The following LIPH variants were observed in gnomAD, a reference collection of about 807,000 sequenced individuals.
LIPH encodes the protein lipase member H.
In LIPH, 32 loss-of-function variants were observed where a neutral mutation model predicts 47.6. The ratio of observed to expected loss-of-function variants is 0.67; its 90% CI spans 0.51 to 0.90. The LOEUF (loss-of-function observed/expected upper bound fraction) is 0.90. LIPH is among the 40% of genes least tolerant of loss of function. The pLI is 0.00. For synonymous variants in LIPH, 190 were observed against 195.6 expected, an observed-to-expected ratio of 0.97 and a Z score of 0.24; for missense variants, 497 against 541.4, an observed-to-expected ratio of 0.92 and a Z score of 0.81.
intron 1 of LIPH, among the ~76,000 whole-genome samples, chr3:185,545,771 G>A (rs1216569359): frequency 1.3e-5 from 2 of 152,132 alleles, no homozygotes. Context: ...GTCAGACCTA[G>A]GTTTGATGTC....
chr3:185,537,127 C>T (rs563823839), intron 1 of LIPH, among the ~76,000 whole-genome samples: 59 of 152,258 alleles, frequency 3.9e-4, no homozygotes, highest in African/African-American at 1.4e-3. Context: ...TCGGGTGATC[C>T]GCCTGCCTTG....
chr3:185,513,254 C>T (rs187638017), intron 8 of LIPH, among the ~76,000 whole-genome samples: 109 of 151,288 alleles, frequency 7.2e-4, no homozygotes, highest in Non-Finnish European at 1.3e-3. Context: ...GCAGGAGATT[C>T]GCTTGAACCT....
At chr3:185,509,674 T>C (rs561508586) in intron 9 of LIPH, among the ~76,000 whole-genome samples, 30 of 152,184 alleles carry the variant, frequency 2.0e-4, no homozygotes, top group Admixed American at 1.6e-3. Context: ...ACCATGTAAG[T>C]TCAGCTTTAA....
intron 1 of LIPH, among the ~76,000 whole-genome samples, chr3:185,542,365 G>C (rs1720740273): frequency 6.6e-6 from 1 of 151,872 alleles, no homozygotes; most frequent in Non-Finnish European, 1.5e-5. Flanking sequence ...GCCCAGGCTG[G>C]AGTGCAGTGG....
At chr3:185,547,966 C>T (rs1029351267) in intron 1 of LIPH, among the ~76,000 whole-genome samples, 3 of 152,138 alleles carry the variant, frequency 2.0e-5, no homozygotes, top group African/African-American at 4.8e-5. Flanking sequence ...ACGTTGATGC[C>T]GTTGATGCCA....
Position 185,508,628 on chromosome 3 carries a change from A to G in LIPH, c.*162T>C. On this transcript the variant is annotated 3_prime_UTR_variant, in exon 10 of 10. Coordinates refer to ENST00000296252, the MANE Select transcript of LIPH (RefSeq NM_139248.3). ...TTCCCAGGATCGTTTTATAATCACA[A>G]GGTTGTTTGATGTACAATGTGACAT... 1.5e-6 allele frequency: 1 copy of G among 657,160 alleles called. No individual in the cohort carries two copies. Among genetic ancestry groups the G allele is most frequent in the South Asian group, 1.7e-5 (1 of 58,926 alleles). 40.7% of individuals were successfully genotyped at this position (657,160 alleles called of 1,614,324 possible).
At chr3:185,522,650 A>AAAAGAAAGAAAGAAAGAAAGAAAG (rs59353669) in intron 5 of LIPH, among the ~76,000 whole-genome samples, 1 of 141,896 alleles carries the variant, frequency 7.0e-6, no homozygotes, top group African/African-American at 2.6e-5. Flanking sequence ...GAGAGAAAGA[A>AAAAGAAAGAAAGAAAGAAAGAAAG]AAAGAAAGAA....
chr3:185,547,107 C>G lies in LIPH; in HGVS notation c.49+5316G>C, dbSNP rs555770310. 20 of 280,908 alleles carry G rather than the reference C, an allele frequency of 7.1e-5. 1 individual carries two copies. Among genetic ancestry groups the G allele is most frequent in the South Asian group, 6.3e-4 (20 of 31,578 alleles). 17.4% of individuals were successfully genotyped at this position (280,908 alleles called of 1,614,324 possible). On this transcript the variant is annotated intron_variant, in intron 1 of 9. Coordinates refer to ENST00000296252, the MANE Select transcript of LIPH (RefSeq NM_139248.3). ...AGTGAGCCGAGATCACACCACTGCA[C>G]TCCAGCCTGGGTGACAGAAAGACTC...
intron 1 of LIPH, among the ~76,000 whole-genome samples, 184 bp downstream of exon 1, chr3:185,552,239 A>G (rs1442297017): frequency 1.4e-5 from 2 of 145,692 alleles, no homozygotes; most frequent in African/African-American, 5.0e-5. Context: ...TCTAACCTGT[A>G]TCTTTTTTTT....
intron 9 of LIPH, among the ~76,000 whole-genome samples, chr3:185,509,477 A>C (rs2148945074): frequency 6.6e-6 from 1 of 152,074 alleles, no homozygotes; most frequent in African/African-American, 2.4e-5. Context: ...AAAAATACAA[A>C]AAATTAGCTG....
chr3:185,520,872 CTTT>C (rs62975760), intron 5 of LIPH, among the ~76,000 whole-genome samples: 1 of 141,054 alleles, frequency 7.1e-6, no homozygotes. Context: ...TAGCTTCTAT[CTTT>C]TTTTTTTTTT....
rs1720411573 is a variant in LIPH at position 185,533,671 on chromosome 3, T to C, written c.426A>G (p.Gly142=). The change falls in exon 3 of 10, where the codon GGA becomes GGG. Residue 142 remains glycine (G), a synonymous_variant. Coordinates refer to ENST00000296252, the MANE Select transcript of LIPH (RefSeq NM_139248.3). ...TCATGTAAATGTCATCAAGAGAAGC[T>C]CCTTCTGCCTGGAATTTCAAGAGGT... is the stretch of plus-strand genomic sequence containing the variant. ...KEFIDQMLAE[G]ASLDDIYMIG... 1.2e-6 allele frequency: 2 copies of C among 1,609,660 alleles called. No homozygotes were observed. The highest frequency in any genetic ancestry group is 1.7e-6 in the Non-Finnish European group (2 of 1,175,886).
chr3:185,518,339 G>A (rs1388774368), intron 6 of LIPH, among the ~76,000 whole-genome samples: 4 of 152,108 alleles, frequency 2.6e-5, no homozygotes, highest in Non-Finnish European at 5.9e-5. Flanking sequence ...GAGTGCAATG[G>A]CGCGGTCTCA....
chr3:185,532,880 T>C (rs1189809943), intron 3 of LIPH, among the ~76,000 whole-genome samples: 2 of 152,040 alleles, frequency 1.3e-5, no homozygotes, highest in Non-Finnish European at 2.9e-5. Context: ...CTAAATGTAG[T>C]TTTAATCATT....
Position 185,508,767 on chromosome 3 carries a change from A to C in LIPH, c.*23T>G. The stretch of plus-strand genomic sequence containing the variant: ...GGTTGTAGCTTTCTTTCTATTATTT[A>C]TGGCCATGTGTCCTGGCAACAGTTA... On this transcript the variant is annotated 3_prime_UTR_variant, in exon 10 of 10. Coordinates refer to ENST00000296252, the MANE Select transcript of LIPH (RefSeq NM_139248.3). The C allele has an allele frequency of 6.6e-7, 1 of 1,510,566 alleles. No individual in the cohort carries two copies. The highest frequency in any genetic ancestry group is 1.1e-5 in the South Asian group (1 of 89,054). 93.6% of individuals were successfully genotyped at this position (1,510,566 alleles called of 1,614,324 possible). A position where few individuals can be genotyped will look rare whatever the true frequency, so the allele number is the denominator to read the frequency against.
In LIPH at chr3:185,527,511, C is replaced by T. The variant is rs1720146300; in HGVS notation, c.601G>A (p.Val201Ile). Residue 201 changes from valine (V) to isoleucine (I), a missense_variant, in exon 4 of 10, where the codon GTT becomes ATT. By Grantham distance (29) the Val-to-Ile change is conservative. Coordinates refer to ENST00000296252, the MANE Select transcript of LIPH (RefSeq NM_139248.3). Reference sequence around the variant, plus strand: ...TCAGTGTCGGAATGGATGACATCAACAAACTGCGCATCACTGGGATCTAAT... The same window carrying T: ...TCAGTGTCGGAATGGATGACATCAATAAACTGCGCATCACTGGGATCTAAT... ...DRLDPSDAQF[V>I]DVIHSDTDAL... The T allele has an allele frequency of 6.2e-7, 1 of 1,612,852 alleles. No homozygotes were observed. Among genetic ancestry groups the T allele is most frequent in the Non-Finnish European group, 8.5e-7 (1 of 1,179,682 alleles).
chr3:185,527,922 C>A (rs545096618), intron 3 of LIPH, among the ~76,000 whole-genome samples: 93 of 151,120 alleles, frequency 6.2e-4, no homozygotes, highest in African/African-American at 2.2e-3. Flanking sequence ...CACCAAAGGG[C>A]ACATTAAAGA....
At chr3:185,543,271 A>G (rs1298888203) in intron 1 of LIPH, among the ~76,000 whole-genome samples, 1 of 152,196 alleles carries the variant, frequency 6.6e-6, no homozygotes, top group Non-Finnish European at 1.5e-5. Context: ...AGTGCTGTCT[A>G]ATGTTTCTAA....
chr3:185,551,217 G>A (rs967892163), intron 1 of LIPH, among the ~76,000 whole-genome samples: 2 of 151,998 alleles, frequency 1.3e-5, no homozygotes, highest in African/African-American at 4.8e-5. Flanking sequence ...TTAAAATATC[G>A]AGTTCTCAGT....
Sources: gnomAD v4.1 joint callset for allele counts (sites outside exome capture counted in the v4.1 genomes callset) on GRCh38, gnomAD v4.1.1 for gene constraint, MANE v1.5 for transcripts, NCBI Gene and HGNC (gene_info 2026-07-23, HGNC 2026-07-21) for gene names.